Variants in IGSF3 observed in about 807,000 individuals in gnomAD.
IGSF3 encodes the protein immunoglobulin superfamily member 3, also known as glu-Trp-Ile EWI motif-containing protein 3.
In IGSF3, 23 loss-of-function variants were observed where a neutral mutation model predicts 114.4. The ratio of observed to expected loss-of-function variants is 0.20; its 90% CI spans 0.14 to 0.28. The LOEUF (loss-of-function observed/expected upper bound fraction) is 0.28. Among genes scored for constraint, IGSF3 ranks in the 10% least tolerant of loss-of-function variants. The pLI, the probability that IGSF3 is intolerant of heterozygous loss-of-function variation, is 1.00. For missense variants in IGSF3, 1,172 were observed against 1,591.5 expected, an observed-to-expected ratio of 0.74 and a Z score of 4.48; for synonymous variants, 571 against 645.2, an observed-to-expected ratio of 0.88 and a Z score of 1.74.
In IGSF3 at chr1:116,634,241, A is replaced by G. The variant is rs888949243; in HGVS notation, c.44-17784T>C. On this transcript the variant is annotated intron_variant, in intron 2 of 10. Transcript: ENST00000369486. The surrounding 1 kb of genome is among the most constrained non-coding windows in gnomAD (Gnocchi z 4.2). ...CCACGACAAGGCAAAATGAGGAGAC[A>G]GTATAAAAAAGACAAGGATAATTTT... 6.6e-6 allele frequency among the ~76,000 whole-genome samples: 1 copy of G among 152,284 alleles called. No homozygotes were observed. Among genetic ancestry groups the G allele is most frequent in the African/African-American group, 2.4e-5 (1 of 41,478 alleles).
rs1363140672 is a variant in IGSF3 at position 116,625,854 on chromosome 1, C to T, written c.44-9397G>A. On this transcript the variant is annotated intron_variant, in intron 2 of 10. Coordinates refer to ENST00000369486, the MANE Select transcript of IGSF3 (RefSeq NM_001007237.3). The surrounding 1 kb of genome is among the most constrained non-coding windows in gnomAD (Gnocchi z 4.7). ...TCTAAGAAGATGTAACTGCCAGCTA[C>T]AGAACCATCCAAAAGGACTGCAAAC... Among the ~76,000 whole-genome samples, 3 of 152,230 alleles carry T rather than the reference C, an allele frequency of 2.0e-5. No homozygotes were observed. Among genetic ancestry groups the T allele is most frequent in the Non-Finnish European group, 4.4e-5 (3 of 68,042 alleles).
chr1:116,617,258 C>A (rs975613694), intron 2 of IGSF3: 26 of 964,796 alleles, frequency 2.7e-5, no homozygotes, highest in African/African-American at 3.5e-5. Context: ...ATACTGTTCT[C>A]CAAGGTCACT....
Position 116,592,205 on chromosome 1 carries a change from A to C in IGSF3, c.2030-3101T>G, listed in dbSNP as rs2101377552. 6.6e-6 allele frequency among the ~76,000 whole-genome samples: 1 copy of C among 152,362 alleles called. No homozygotes were observed. Among genetic ancestry groups the C allele is most frequent in the Non-Finnish European group, 1.5e-5 (1 of 68,036 alleles). On this transcript the variant is annotated intron_variant, in intron 7 of 10. Coordinates refer to ENST00000369486, the MANE Select transcript of IGSF3 (RefSeq NM_001007237.3). This position sits in a 1 kb window ranked among gnomAD's most constrained non-coding sequence, Gnocchi z 4.5. ...TAACAAGATCCCCAGGTGATTCACA[A>C]GTAGCTTCAAGCCTGAGAAACCCTG...
Position 116,666,502 on chromosome 1 carries a change from G to T in IGSF3, c.-176C>A. ...CAGAAGGAGGGAGTTGGGGGGAAGGGGAGGAGTGGAGGCAAGTGTGAAAAC... is the reference window on the plus strand; with the variant it reads ...CAGAAGGAGGGAGTTGGGGGGAAGGTGAGGAGTGGAGGCAAGTGTGAAAAC... On this transcript the variant is annotated 5_prime_UTR_variant, in exon 2 of 11. Transcript: ENST00000369486. The T allele has an allele frequency of 1.5e-6, 1 of 645,948 alleles. No homozygotes were observed. The highest frequency in any genetic ancestry group is 2.7e-6 in the Non-Finnish European group (1 of 364,276). The allele number at this position is 645,948 out of a possible 1,614,324, so 40.0% of individuals were successfully genotyped here.
chr1:116,584,809 C>A lies in IGSF3; in HGVS notation c.2684G>T (p.Ser895Ile). The change falls in exon 9 of 11, where the codon AGT (serine) becomes ATT (isoleucine). Residue 895 changes from serine (S) to isoleucine (I), a missense_variant. Physicochemically the swap from Ser to Ile is moderately radical, Grantham distance 142. Around this residue, in one of 3 missense-constraint regions of IGSF3, gnomAD observed 423 missense variants for 509.8 expected, o/e 0.83. Transcript: ENST00000369486. The surrounding 1 kb of genome is among the most constrained non-coding windows in gnomAD (Gnocchi z 5.8). ...NNLKGRLHLE[S>I]PSPGVYRLFI... is the part of the protein sequence containing the mutation. ...GAGACGGTACACGCCGGGGGAAGGA[C>A]TCTCCAAATGCAGCCGCCCCTTCAG... 6.2e-7 allele frequency: 1 copy of A among 1,614,270 alleles called. No individual in the cohort carries two copies. The highest frequency in any genetic ancestry group is 8.5e-7 in the Non-Finnish European group (1 of 1,180,052).
At position 116,603,210 on chromosome 1, in the gene IGSF3, G is replaced by C. The variant is rs1025640025; in HGVS notation, c.1624+414C>G. 6.6e-6 allele frequency among the ~76,000 whole-genome samples: 1 copy of C among 152,252 alleles called. No individual in the cohort carries two copies. Among genetic ancestry groups the C allele is most frequent in the Non-Finnish European group, 1.5e-5 (1 of 68,052 alleles). ...GGCCCCTGGGCAGCAGGGCAGGAAAGACATGCCACACAGTGCTCAGCCACT... is the reference window on the plus strand; with the variant it reads ...GGCCCCTGGGCAGCAGGGCAGGAAACACATGCCACACAGTGCTCAGCCACT... On this transcript the variant is annotated intron_variant, in intron 6 of 10. Transcript: ENST00000369486. The surrounding 1 kb of genome is among the most constrained non-coding windows in gnomAD (Gnocchi z 7.1).
Position 116,588,642 on chromosome 1 carries a change from A to G in IGSF3, c.2440+52T>C. The G allele has an allele frequency of 8.9e-7, 1 of 1,124,674 alleles. No homozygotes were observed. Among genetic ancestry groups the G allele is most frequent in the Non-Finnish European group, 1.3e-6 (1 of 790,508 alleles). 69.7% of individuals were successfully genotyped at this position (1,124,674 alleles called of 1,614,324 possible). A position where few individuals can be genotyped will look rare whatever the true frequency, so the allele number is the denominator to read the frequency against. On this transcript the variant is annotated intron_variant, in intron 8 of 10. Transcript: ENST00000369486. The surrounding 1 kb of genome is among the most constrained non-coding windows in gnomAD (Gnocchi z 4.9). ...CACAGATCCCCACCCACCCCCAGGC[A>G]GTCTCTGCACTAAACCCACTGGCCC... is the stretch of plus-strand genomic sequence containing the variant.
At chr1:116,646,285 T>G (rs947844070) in intron 2 of IGSF3, among the ~76,000 whole-genome samples, 1 of 152,210 alleles carries the variant, frequency 6.6e-6, no homozygotes, top group Non-Finnish European at 1.5e-5. Flanking sequence ...AGCCTTCTTT[T>G]GTCCGGCTTC....
rs533341220 is a variant in IGSF3 at position 116,625,356 on chromosome 1, A to C, written c.44-8899T>G. 6.6e-6 allele frequency among the ~76,000 whole-genome samples: 1 copy of C among 152,372 alleles called. No individual in the cohort carries two copies. The highest frequency in any genetic ancestry group is 1.9e-4 in the East Asian group (1 of 5,192). ...GCCTTCAAAAAAGCAGTGACATCTG[A>C]ATTGGGTCCCAAAGCACAAGGGAAA... On this transcript the variant is annotated intron_variant, in intron 2 of 10. Transcript: ENST00000369486. The surrounding 1 kb of genome is among the most constrained non-coding windows in gnomAD (Gnocchi z 4.7).
In IGSF3 at chr1:116,654,899, T is replaced by A. The variant is rs3879769; in HGVS notation, c.43+11385A>T. On this transcript the variant is annotated intron_variant, in intron 2 of 10. Transcript: ENST00000369486. This position sits in a 1 kb window ranked among gnomAD's most constrained non-coding sequence, Gnocchi z 4.4. The stretch of plus-strand genomic sequence containing the variant: ...CTCCCTTCTCCTCGCTCTCCCCTTA[T>A]CACTGCTATTCATCATCTTACTCCT... 6.6e-6 allele frequency among the ~76,000 whole-genome samples: 1 copy of A among 150,836 alleles called. No individual in the cohort carries two copies.
rs1464009468 is a variant in IGSF3, at chr1:116,629,261, G to A, written c.44-12804C>T. Among the ~76,000 whole-genome samples, 3 of 152,130 alleles carry A rather than the reference G, an allele frequency of 2.0e-5. No homozygotes were observed. The highest frequency in any genetic ancestry group is 6.5e-5 in the Admixed American group (1 of 15,276). On this transcript the variant is annotated intron_variant, in intron 2 of 10. Transcript: ENST00000369486. This position sits in a 1 kb window ranked among gnomAD's most constrained non-coding sequence, Gnocchi z 4.3. Reference sequence around the variant, plus strand: ...GTAAAAGGGGAGAAAGGCTATAAAAGGATTTGAAAGTATTTTCGTAAAGAT... The same window carrying A: ...GTAAAAGGGGAGAAAGGCTATAAAAAGATTTGAAAGTATTTTCGTAAAGAT...
rs934584617 is a variant in IGSF3 at position 116,614,215 on chromosome 1, C to T, written c.422-40G>A. On this transcript the variant is annotated intron_variant, in intron 3 of 10. Coordinates refer to ENST00000369486, the MANE Select transcript of IGSF3 (RefSeq NM_001007237.3). This position sits in a 1 kb window ranked among gnomAD's most constrained non-coding sequence, Gnocchi z 4.5. ...TGTCCTGAGAGTGCAGTCACAAAGC[C>T]ACAGAATCTGAGACTCCCAGGGCTA... 2 of 1,561,306 alleles carry T rather than the reference C, an allele frequency of 1.3e-6. No individual in the cohort carries two copies. The highest frequency in any genetic ancestry group is 1.8e-6 in the Non-Finnish European group (2 of 1,138,658).
rs1056535334 is a variant in IGSF3 at position 116,577,902 on chromosome 1, G to A, written c.3335-340C>T. On this transcript the variant is annotated intron_variant, in intron 10 of 10. Coordinates refer to ENST00000369486, the MANE Select transcript of IGSF3 (RefSeq NM_001007237.3). The surrounding 1 kb of genome is among the most constrained non-coding windows in gnomAD (Gnocchi z 5.7). ...GTGAAGAAGCTGCTCTGGTTCAGTC[G>A]GAGCCTCCTGCATGGTTGGATTTTA... Among the ~76,000 whole-genome samples the A allele has an allele frequency of 9.2e-5, 14 of 152,204 alleles. No homozygotes were observed. The highest frequency in any genetic ancestry group is 3.4e-3 in the Middle Eastern group (1 of 294).
Position 116,577,081 on chromosome 1 carries a change from A to G in IGSF3, c.*231T>C. On this transcript the variant is annotated 3_prime_UTR_variant, in exon 11 of 11. Coordinates refer to ENST00000369486, the MANE Select transcript of IGSF3 (RefSeq NM_001007237.3). This position sits in a 1 kb window ranked among gnomAD's most constrained non-coding sequence, Gnocchi z 5.7. ...CTACATTACTAAAAACAGAAACAAG[A>G]AATCTATAATGGCAGGATCACAACA... is the stretch of plus-strand genomic sequence containing the variant. The G allele has an allele frequency of 1.9e-6, 1 of 535,386 alleles. No homozygotes were observed. The highest frequency in any genetic ancestry group is 3.3e-6 in the Non-Finnish European group (1 of 300,414). The allele number at this position is 535,386 out of a possible 1,614,324, so 33.2% of individuals were successfully genotyped here.
chr1:116,603,467 A>G lies in IGSF3; in HGVS notation c.1624+157T>C, dbSNP rs1170778492. 3.9e-5 allele frequency among the ~76,000 whole-genome samples: 6 copies of G among 152,196 alleles called. No individual in the cohort carries two copies. Among genetic ancestry groups the G allele is most frequent in the African/African-American group, 1.4e-4 (6 of 41,442 alleles). On this transcript the variant is annotated intron_variant, in intron 6 of 10. Coordinates refer to ENST00000369486, the MANE Select transcript of IGSF3 (RefSeq NM_001007237.3). This position sits in a 1 kb window ranked among gnomAD's most constrained non-coding sequence, Gnocchi z 7.1. Reference sequence around the variant, plus strand: ...CTTAATTAATTAAACCCTTATAAGAAATAAAATAGACATAAAGGAAAGTAC... The same window carrying G: ...CTTAATTAATTAAACCCTTATAAGAGATAAAATAGACATAAAGGAAAGTAC...
Position 116,650,568 on chromosome 1 carries a change from GA to G in IGSF3, c.43+15715del, listed in dbSNP as rs1291733936. Among the ~76,000 whole-genome samples, 1 of 152,152 alleles carries G rather than the reference GA, an allele frequency of 6.6e-6. No homozygotes were observed. Among genetic ancestry groups the G allele is most frequent in the Non-Finnish European group, 1.5e-5 (1 of 68,032 alleles). On this transcript the variant is annotated intron_variant, in intron 2 of 10. Coordinates refer to ENST00000369486, the MANE Select transcript of IGSF3 (RefSeq NM_001007237.3). This position sits in a 1 kb window ranked among gnomAD's most constrained non-coding sequence, Gnocchi z 5.0. Reference sequence around the variant, plus strand: ...ACCTTTCCTTGAGTGGCATGTGGGAGAGGTGTGGCATCCAACCCAACTGGGT... The same window carrying G: ...ACCTTTCCTTGAGTGGCATGTGGGAGGGTGTGGCATCCAACCCAACTGGGT...
intron 2 of IGSF3, among the ~76,000 whole-genome samples, chr1:116,630,512 G>A (rs552279086): frequency 1.2e-4 from 18 of 152,268 alleles, no homozygotes; most frequent in South Asian, 8.3e-4. Flanking sequence ...ACTGAGGCTC[G>A]GAAAAATTGT....
In IGSF3 at chr1:116,592,389, A is replaced by C. The variant is rs1660151860; in HGVS notation, c.2030-3285T>G. Among the ~76,000 whole-genome samples, 1 of 152,238 alleles carries C rather than the reference A, an allele frequency of 6.6e-6. No individual in the cohort carries two copies. Among genetic ancestry groups the C allele is most frequent in the Non-Finnish European group, 1.5e-5 (1 of 68,042 alleles). On this transcript the variant is annotated intron_variant, in intron 7 of 10. Transcript: ENST00000369486. This position sits in a 1 kb window ranked among gnomAD's most constrained non-coding sequence, Gnocchi z 4.5. ...TCCGAGAGTTGCTCCAGCTCACGCCAGCAGCTGCCTTCACAGCAGCCCCCA... is the reference window on the plus strand; with the variant it reads ...TCCGAGAGTTGCTCCAGCTCACGCCCGCAGCTGCCTTCACAGCAGCCCCCA...
Position 116,649,890 on chromosome 1 carries a change from G to A in IGSF3, c.43+16394C>T, listed in dbSNP as rs180825813. Among the ~76,000 whole-genome samples, 2 of 152,166 alleles carry A rather than the reference G, an allele frequency of 1.3e-5. No individual in the cohort carries two copies. Among genetic ancestry groups the A allele is most frequent in the Non-Finnish European group, 2.9e-5 (2 of 67,982 alleles). Reference sequence around the variant, plus strand: ...GACATAATCTCCCTGTTTTTTGGCAGCGCCACATCCACACCTGTCTTCACA... The same window carrying A: ...GACATAATCTCCCTGTTTTTTGGCAACGCCACATCCACACCTGTCTTCACA... On this transcript the variant is annotated intron_variant, in intron 2 of 10. Coordinates refer to ENST00000369486, the MANE Select transcript of IGSF3 (RefSeq NM_001007237.3). The surrounding 1 kb of genome is among the most constrained non-coding windows in gnomAD (Gnocchi z 4.5).
Sources: gnomAD v4.1 joint callset for allele counts (sites outside exome capture counted in the v4.1 genomes callset) on GRCh38, gnomAD v4.1.1 for gene constraint, gnomAD v4.1.1 regional missense constraint, Gnocchi (gnomAD v3.1) non-coding constraint, MANE v1.5 for transcripts, NCBI Gene and HGNC (gene_info 2026-07-23, HGNC 2026-07-21) for gene names.